PIGU: variants seen among roughly 807,000 people sequenced by gnomAD.
PIGU encodes the protein phosphatidylinositol glycan anchor biosynthesis class U.
PIGU carries 24 observed loss-of-function variants against 49.9 expected under a neutral mutation model. The ratio of observed to expected loss-of-function variants is 0.48; its 90% CI spans 0.35 to 0.68. The LOEUF (loss-of-function observed/expected upper bound fraction) is 0.68, where lower values mean the gene tolerates loss of function less well. Among genes scored for constraint, PIGU ranks in the 30% least tolerant of loss-of-function variants. The pLI is 0.01. For synonymous variants in PIGU, 220 were observed against 205.7 expected (o/e 1.07, Z -0.59); for missense variants, 490 against 532.6 (o/e 0.92, Z 0.79).
rs1555796927 is a variant in PIGU at position 34,591,039 on chromosome 20, A to AAAT, written c.628-2433_628-2432insATT. On this transcript the variant is annotated intron_variant, in intron 7 of 11. Transcript: ENST00000217446. Reference sequence around the variant, plus strand: ...CCGTCTCGAAAAAAAGAGAAAAAAAAATATATATATATATGAGACACAGAA... The same window carrying AAAT: ...CCGTCTCGAAAAAAAGAGAAAAAAAAAATATATATATATATATGAGACACAGAA... Among the ~76,000 whole-genome samples, 273 of 150,412 alleles carry AAAT rather than the reference A, an allele frequency of 1.8e-3. 2 individuals are homozygous for AAAT. Among genetic ancestry groups the AAAT allele is most frequent in the African/African-American group, 6.1e-3 (250 of 41,048 alleles).
chr20:34,665,264 C>T (rs978613807), intron 1 of PIGU, among the ~76,000 whole-genome samples: 2 of 125,440 alleles, frequency 1.6e-5, no homozygotes, highest in East Asian at 2.6e-4. Flanking sequence ...AGTGCAGTGG[C>T]GCGATCTCGG....
rs1319791006 is a variant in PIGU at position 34,575,216 on chromosome 20, A to T, written c.1082T>A (p.Ile361Asn). 6.2e-7 allele frequency: 1 copy of T among 1,614,036 alleles called. No homozygotes were observed. The highest frequency in any genetic ancestry group is 8.5e-7 in the Non-Finnish European group (1 of 1,180,012). The change falls in exon 11 of 12, where the codon ATC becomes AAC. Residue 361 changes from isoleucine (I) to asparagine (N), a missense_variant. Coordinates refer to ENST00000217446, the MANE Select transcript of PIGU (RefSeq NM_080476.5). ...FLRNIFVLTC[I>N]IIVCSLLFPV... ...GAAGAGCAGGGAACAGACGATGATG[A>T]TGCAGGTGAGGACAAAGATGTTTCT...
At chr20:34,600,023 CAG>C (rs1984354665) in intron 7 of PIGU, among the ~76,000 whole-genome samples, 1 of 152,188 alleles carries the variant, frequency 6.6e-6, no homozygotes. Flanking sequence ...AATACAGACA[CAG>C]AACATTTCCA....
At chr20:34,566,636 A>AC (rs1487225210) in intron 11 of PIGU, among the ~76,000 whole-genome samples, 2 of 151,786 alleles carry the variant, frequency 1.3e-5, no homozygotes, top group Non-Finnish European at 1.5e-5. Context: ...TCCCTTTCCA[A>AC]CCCCCCAGGG....
chr20:34,618,499 AGGCGGGGCAT>A (rs1985092626), intron 6 of PIGU, among the ~76,000 whole-genome samples: 1 of 152,210 alleles, frequency 6.6e-6, no homozygotes, highest in African/African-American at 2.4e-5. Flanking sequence ...TGAAAATAAC[AGGCGGGGCAT>A]GGTGGTTCAC....
intron 6 of PIGU, among the ~76,000 whole-genome samples, chr20:34,632,905 T>A: frequency 6.6e-6 from 1 of 151,250 alleles, no homozygotes. Context: ...CTATTTGATG[T>A]GTTTAAGTGT....
chr20:34,569,512 C>T (rs534655039), intron 11 of PIGU, among the ~76,000 whole-genome samples: 16 of 152,192 alleles, frequency 1.1e-4, no homozygotes, highest in African/African-American at 3.6e-4. Flanking sequence ...ATTACAGGCA[C>T]GAGCTACTGC....
intron 2 of PIGU, among the ~76,000 whole-genome samples, chr20:34,653,494 C>G (rs1986607255): frequency 6.6e-6 from 1 of 152,100 alleles, no homozygotes; most frequent in Non-Finnish European, 1.5e-5. Context: ...TGGTGATACC[C>G]TTGGCTCTGA....
intron 10 of PIGU, 42 bp from the exon 11 acceptor site, chr20:34,575,288 C>T (rs747336297): frequency 6.3e-7 from 1 of 1,598,402 alleles, no homozygotes; most frequent in South Asian, 1.1e-5. Flanking sequence ...CACGCTCTCT[C>T]TGGCATGCTT....
chr20:34,630,657 T>G (rs984203038), intron 6 of PIGU, among the ~76,000 whole-genome samples: 1 of 152,034 alleles, frequency 6.6e-6, no homozygotes, highest in African/African-American at 2.4e-5. Context: ...TTTTTTTTAT[T>G]ATTATTATTT....
At chr20:34,562,875 C>T (rs1018759231) in intron 11 of PIGU, among the ~76,000 whole-genome samples, 2 of 152,198 alleles carry the variant, frequency 1.3e-5, no homozygotes, top group African/African-American at 4.8e-5. Flanking sequence ...CACCCAGGCC[C>T]GAGATGCCAT....
At chr20:34,671,985 T>C (rs1292036293) in intron 1 of PIGU, among the ~76,000 whole-genome samples, 1 of 152,166 alleles carries the variant, frequency 6.6e-6, no homozygotes, top group Non-Finnish European at 1.5e-5. Context: ...TAGGATGGAA[T>C]GCAGTGGCAC....
intron 10 of PIGU, among the ~76,000 whole-genome samples, chr20:34,577,296 G>A (rs1983275339): frequency 1.3e-5 from 2 of 152,116 alleles, no homozygotes; most frequent in African/African-American, 2.4e-5. Flanking sequence ...AGACTTAAAG[G>A]GTGGAGAAAC....
chr20:34,619,895 T>C (rs768592902), intron 6 of PIGU, among the ~76,000 whole-genome samples: 1 of 152,202 alleles, frequency 6.6e-6, no homozygotes, highest in Non-Finnish European at 1.5e-5. Flanking sequence ...TCTAGCCAGA[T>C]ACCCTGGCAA....
At position 34,588,462 on chromosome 20, in the gene PIGU, T is replaced by C. The variant is rs780935587; in HGVS notation, c.773A>G (p.Tyr258Cys). ...LSSWDFIPAV[Y>C]GFILSVPDLT... ...CGTGGTCATTACTTACATAAAGCCATAGACTGCGGGGATGAAATCCCAAGA... is the reference window on the plus strand; with the variant it reads ...CGTGGTCATTACTTACATAAAGCCACAGACTGCGGGGATGAAATCCCAAGA... The change falls in exon 8 of 12, where the codon TAT becomes TGT. Residue 258 changes from tyrosine to cysteine, a missense_variant. Transcript: ENST00000217446. 1.2e-6 allele frequency: 2 copies of C among 1,613,730 alleles called. No homozygotes were observed. Among genetic ancestry groups the C allele is most frequent in the South Asian group, 1.1e-5 (1 of 91,048 alleles).
intron 2 of PIGU, among the ~76,000 whole-genome samples, chr20:34,650,339 C>T (rs996823132): frequency 8.6e-5 from 13 of 152,008 alleles, no homozygotes; most frequent in Non-Finnish European, 1.6e-4. Flanking sequence ...GGCACAATCT[C>T]AGCTCACTGC....
chr20:34,630,307 G>A (rs1442182471), intron 6 of PIGU, among the ~76,000 whole-genome samples: 1 of 152,252 alleles, frequency 6.6e-6, no homozygotes, highest in East Asian at 1.9e-4. Flanking sequence ...AGAGGTGTGG[G>A]CTGAAAAGCA....
intron 1 of PIGU, among the ~76,000 whole-genome samples, chr20:34,671,307 G>A (rs1305259952): frequency 1.3e-5 from 2 of 151,968 alleles, no homozygotes; most frequent in Non-Finnish European, 2.9e-5. Context: ...CGTTGCCCAG[G>A]CTGGAGTGCA....
chr20:34,667,896 A>T (rs75849659), intron 1 of PIGU, among the ~76,000 whole-genome samples: 7,611 of 152,224 alleles, frequency 0.05, 305 homozygotes, highest in East Asian at 0.17. Context: ...CAGACACTAC[A>T]TTAACCAAGG....
Sources: allele counts gnomAD v4.1 joint callset (sites outside exome capture counted in the v4.1 genomes callset), GRCh38; gene constraint gnomAD v4.1.1; transcripts MANE v1.5; gene names NCBI Gene and HGNC (gene_info 2026-07-23, HGNC 2026-07-21).